Variants in ENTREP1 observed in about 807,000 individuals in gnomAD.
The protein encoded by ENTREP1 is Friedreich ataxia region gene X123.
At chr9:69,374,954 CT>C in the ENTREP1 span, among the ~76,000 whole-genome samples, 1 of 152,168 alleles carries the variant, frequency 6.6e-6, no homozygotes, top group Non-Finnish European at 1.5e-5. Flanking sequence ...GCACAGTTGC[CT>C]GGAATCATTT....
chr9:69,363,487 G>T, the ENTREP1 span, among the ~76,000 whole-genome samples: 1 of 152,186 alleles, frequency 6.6e-6, no homozygotes, highest in African/African-American at 2.4e-5. Flanking sequence ...ATTGACAAGT[G>T]GTTAGTAAAG....
the ENTREP1 span, among the ~76,000 whole-genome samples, chr9:69,351,330 G>A: frequency 1.3e-5 from 2 of 151,994 alleles, no homozygotes; most frequent in Admixed American, 6.6e-5. Context: ...TATTTAGTGA[G>A]CTTTTGTGAT....
the ENTREP1 span, chr9:69,325,833 C>T: frequency 5.8e-6 from 7 of 1,202,868 alleles, no homozygotes; most frequent in Non-Finnish European, 6.2e-6. Context: ...GTTGGGGGAG[C>T]CTCACGCCAC....
the ENTREP1 span, chr9:69,371,569 A>G: frequency 6.2e-7 from 1 of 1,613,900 alleles, no homozygotes; most frequent in Non-Finnish European, 8.5e-7. Flanking sequence ...CTAGGCTGCC[A>G]AGGGGCCCAG....
the ENTREP1 span, chr9:69,375,739 G>A: frequency 1.2e-6 from 2 of 1,612,130 alleles, no homozygotes; most frequent in East Asian, 2.2e-5. Context: ...CGTTAAGGTG[G>A]ACTTAGGTGA....
chr9:69,374,852 T>G, the ENTREP1 span, among the ~76,000 whole-genome samples: 2 of 152,102 alleles, frequency 1.3e-5, no homozygotes, highest in South Asian at 4.2e-4. Flanking sequence ...AGAATAAGTT[T>G]TTAGAAATAT....
the ENTREP1 span, chr9:69,377,733 G>A: frequency 6.2e-7 from 1 of 1,612,920 alleles, no homozygotes. Flanking sequence ...GCACACCCCG[G>A]ATGAACCGCA....
chr9:69,389,260 A>G, the ENTREP1 span, among the ~76,000 whole-genome samples: 1 of 152,214 alleles, frequency 6.6e-6, no homozygotes, highest in Non-Finnish European at 1.5e-5. Flanking sequence ...TGGGCATTAA[A>G]TGGCTAACAA....
chr9:69,340,745 GTT>G, the ENTREP1 span, among the ~76,000 whole-genome samples: 2,717 of 135,390 alleles, frequency 0.02, 54 homozygotes, highest in South Asian at 0.045. Context: ...ATGTGTGTGT[GTT>G]TGTGTGTGTG....
chr9:69,385,824 GA>G, the ENTREP1 span: 1 of 1,464,652 alleles, frequency 6.8e-7, no homozygotes. Flanking sequence ...ACCTGCCGAA[GA>G]AAATGCATCC....
At chr9:69,354,171 A>G in the ENTREP1 span, among the ~76,000 whole-genome samples, 5 of 151,068 alleles carry the variant, frequency 3.3e-5, no homozygotes, top group Non-Finnish European at 7.4e-5. Flanking sequence ...TTTTAATTTG[A>G]CCCACATTGC....
chr9:69,375,083 C>G, the ENTREP1 span, among the ~76,000 whole-genome samples: 1 of 152,216 alleles, frequency 6.6e-6, no homozygotes, highest in Non-Finnish European at 1.5e-5. Context: ...TTTCACCCAT[C>G]TGGAAAATTT....
chr9:69,391,523 T>A, the ENTREP1 span: 1 of 1,189,646 alleles, frequency 8.4e-7, no homozygotes, highest in South Asian at 1.2e-5. Flanking sequence ...GATAGGTGGA[T>A]GGACCTAGGA....
the ENTREP1 span, chr9:69,391,449 C>A: frequency 1.6e-6 from 1 of 638,922 alleles, no homozygotes; most frequent in Admixed American, 2.8e-5. Flanking sequence ...CTCTGGAATT[C>A]CAAGTGAGTT....
At chr9:69,384,010 A>G in the ENTREP1 span, 2 of 1,609,908 alleles carry the variant, frequency 1.2e-6, no homozygotes, top group East Asian at 4.5e-5. Flanking sequence ...TCTGGGCTGC[A>G]CACAAGTGAC....
the ENTREP1 span, among the ~76,000 whole-genome samples, chr9:69,334,669 C>G: frequency 6.6e-6 from 1 of 152,050 alleles, no homozygotes; most frequent in Non-Finnish European, 1.5e-5. Flanking sequence ...TGAAAAATTA[C>G]TTTGATTATC....
chr9:69,359,128 T>G, the ENTREP1 span, among the ~76,000 whole-genome samples: 1 of 151,820 alleles, frequency 6.6e-6, no homozygotes, highest in Non-Finnish European at 1.5e-5. Flanking sequence ...CTGGTCTCGA[T>G]CTCCTGACCT....
chr9:69,383,857 G>T, the ENTREP1 span: 1 of 1,574,028 alleles, frequency 6.4e-7, no homozygotes, highest in Non-Finnish European at 8.7e-7. Context: ...GGGAGACCGG[G>T]CCCCACACAT....
the ENTREP1 span, chr9:69,377,407 C>T: frequency 1.2e-6 from 2 of 1,614,046 alleles, no homozygotes; most frequent in Non-Finnish European, 1.7e-6. Flanking sequence ...AATGCCCTGA[C>T]CACCACCGTC....
Sources: gnomAD v4.1 joint callset for allele counts (sites outside exome capture counted in the v4.1 genomes callset) on GRCh38, gnomAD v4.1.1 for gene constraint, MANE v1.5 for transcripts, NCBI Gene and HGNC (gene_info 2026-07-23, HGNC 2026-07-21) for gene names.